Variants in CADM1 observed in about 807,000 individuals in gnomAD.
CADM1 encodes the protein TSLC-1.
In CADM1, 15 loss-of-function variants were observed where a neutral mutation model predicts 53.1. The observed-to-expected ratio is 0.28, with a 90% confidence interval of 0.19 to 0.44. CADM1 has a LOEUF of 0.44. CADM1 is among the 20% of genes least tolerant of loss of function. The probability of loss-of-function intolerance (pLI) is 1.00; values close to 1 mark genes in which losing one functional copy is unlikely to be tolerated. For synonymous variants in CADM1, 281 were observed against 243.0 expected (o/e 1.16, Z -1.45); for missense variants, 434 against 611.3 (o/e 0.71, Z 3.06).
intron 10 of CADM1, chr11:115,190,553 G>T: frequency 9.6e-6 from 2 of 208,522 alleles, no homozygotes; most frequent in Non-Finnish European, 1.9e-5. Context: ...AAATTGCTTT[G>T]TAATACAACA....
At chr11:115,487,835 G>A (rs1327121693) in intron 1 of CADM1, among the ~76,000 whole-genome samples, 2 of 151,918 alleles carry the variant, frequency 1.3e-5, no homozygotes, top group East Asian at 1.9e-4. Flanking sequence ...TCTTCTTCTT[G>A]GATAATACCA....
intron 1 of CADM1, chr11:115,396,751 G>A (rs2135199267): frequency 6.6e-6 from 1 of 152,278 alleles, no homozygotes; most frequent in South Asian, 2.1e-4. Flanking sequence ...TGATGGGCTG[G>A]GAAGGAAGAG....
At chr11:115,388,686 T>C (rs944082497) in intron 1 of CADM1, among the ~76,000 whole-genome samples, 1 of 152,106 alleles carries the variant, frequency 6.6e-6, no homozygotes, top group African/African-American at 2.4e-5. Context: ...TGACAAAACA[T>C]CAAACTCAAA....
intron 10 of CADM1, among the ~76,000 whole-genome samples, chr11:115,190,391 A>T (rs974502600): frequency 1.3e-5 from 2 of 152,216 alleles, no homozygotes; most frequent in Middle Eastern, 3.4e-3. Context: ...GTGACAAAAC[A>T]ATTGCTTCCC....
rs1945874044 is a variant in CADM1, at chr11:115,356,466, C to T, written c.125-116046G>A. Among the ~76,000 whole-genome samples the T allele has an allele frequency of 2.0e-5, 3 of 152,100 alleles. No homozygotes were observed. The South Asian group carries it at 6.2e-4, about 32-fold the overall frequency. On this transcript the variant is annotated intron_variant, in intron 1 of 11. Coordinates refer to ENST00000331581, the MANE Select transcript of CADM1 (RefSeq NM_001301043.2). ...AACATTTTTCACTGGCCCTCCAGCA[C>T]CTGACACAGACCATGGCACATAAAG...
intron 1 of CADM1, among the ~76,000 whole-genome samples, chr11:115,479,163 ATCTT>A (rs1468906350): frequency 1.3e-5 from 2 of 152,110 alleles, no homozygotes; most frequent in Admixed American, 6.5e-5. Context: ...TTTGATTTTT[ATCTT>A]TAAGACTTTT....
At chr11:115,212,178 A>C (rs1398288774) in intron 7 of CADM1, among the ~76,000 whole-genome samples, 3 of 151,656 alleles carry the variant, frequency 2.0e-5, no homozygotes, top group Non-Finnish European at 4.4e-5. Flanking sequence ...AGGCTAAAAG[A>C]ATAAAATCAG....
At chr11:115,498,313 A>AT (rs1469192343) in intron 1 of CADM1, among the ~76,000 whole-genome samples, 1 of 152,220 alleles carries the variant, frequency 6.6e-6, no homozygotes, top group Non-Finnish European at 1.5e-5. Context: ...GGAAAGAGAC[A>AT]TTTTTATTTT....
At chr11:115,490,882 C>T in intron 1 of CADM1, among the ~76,000 whole-genome samples, 1 of 152,136 alleles carries the variant, frequency 6.6e-6, no homozygotes, top group South Asian at 2.1e-4. Flanking sequence ...AATGGGGCAA[C>T]AGTGGTAACT....
Position 115,354,105 on chromosome 11 carries a change from T to C in CADM1, c.125-113685A>G, listed in dbSNP as rs552408867. On this transcript the variant is annotated intron_variant, in intron 1 of 11. Coordinates refer to ENST00000331581, the MANE Select transcript of CADM1 (RefSeq NM_001301043.2). Reference sequence around the variant, plus strand: ...TCTGGAAGCAGAAGAGACTAAACAATAGGGAAAACAGTTAACAAGAATCTA... The same window carrying C: ...TCTGGAAGCAGAAGAGACTAAACAACAGGGAAAACAGTTAACAAGAATCTA... 9.2e-5 allele frequency among the ~76,000 whole-genome samples: 14 copies of C among 152,136 alleles called. No homozygotes were observed. In the South Asian group the frequency reaches 2.9e-3, roughly 32 times the overall value.
At chr11:115,269,507 G>C (rs1484137546) in intron 1 of CADM1, among the ~76,000 whole-genome samples, 1 of 152,076 alleles carries the variant, frequency 6.6e-6, no homozygotes, top group East Asian at 1.9e-4. Context: ...TGAAAACTAG[G>C]AGCTGTACTA....
chr11:115,173,398 C>T lies in CADM1; in HGVS notation c.*3076G>A, dbSNP rs1414579916. The T allele has an allele frequency of 2.0e-5, 3 of 152,364 alleles. No individual in the cohort carries two copies. Among genetic ancestry groups the T allele is most frequent in the African/African-American group, 4.8e-5 (2 of 41,476 alleles). 9.4% of individuals were successfully genotyped at this position (152,364 alleles called of 1,614,324 possible). On this transcript the variant is annotated 3_prime_UTR_variant, in exon 12 of 12. Coordinates refer to ENST00000331581, the MANE Select transcript of CADM1 (RefSeq NM_001301043.2). The stretch of plus-strand genomic sequence containing the variant: ...GCCCAGACTCAGCCACGGCACAGCA[C>T]TTGGCTCACCTGTCCACTGAGAGTG...
At chr11:115,283,807 G>T (rs900692031) in intron 1 of CADM1, among the ~76,000 whole-genome samples, 1 of 152,132 alleles carries the variant, frequency 6.6e-6, no homozygotes, top group Non-Finnish European at 1.5e-5. Context: ...GCCACCTGTC[G>T]TAGTGTCTAC....
intron 1 of CADM1, among the ~76,000 whole-genome samples, chr11:115,303,083 G>C (rs1215268104): frequency 6.6e-6 from 1 of 152,032 alleles, no homozygotes; most frequent in African/African-American, 2.4e-5. Flanking sequence ...TCCCCCAAAA[G>C]GGGGGCAACA....
At chr11:115,219,934 C>T (rs560413947) in intron 5 of CADM1, among the ~76,000 whole-genome samples, 1 of 152,140 alleles carries the variant, frequency 6.6e-6, no homozygotes, top group Admixed American at 6.6e-5. Flanking sequence ...TACCCAGAAA[C>T]AGCAGCACTT....
chr11:115,458,541 C>A, intron 1 of CADM1, among the ~76,000 whole-genome samples: 1 of 148,866 alleles, frequency 6.7e-6, no homozygotes, highest in Non-Finnish European at 1.5e-5. Context: ...TTACATTATA[C>A]CCTGCCCCTA....
At chr11:115,437,843 A>G (rs1268988817) in intron 1 of CADM1, among the ~76,000 whole-genome samples, 3 of 152,194 alleles carry the variant, frequency 2.0e-5, no homozygotes, top group Non-Finnish European at 1.5e-5. Context: ...TTATCAAGGC[A>G]GAGGAAAGGG....
At chr11:115,287,255 A>C (rs1172750440) in intron 1 of CADM1, 1 of 152,220 alleles carries the variant, frequency 6.6e-6, no homozygotes, top group Non-Finnish European at 1.5e-5. Context: ...GTTGATGGGG[A>C]TGGAACTCTA....
chr11:115,378,574 A>T (rs1363173162), intron 1 of CADM1, among the ~76,000 whole-genome samples: 3 of 152,240 alleles, frequency 2.0e-5, no homozygotes, highest in African/African-American at 7.2e-5. Flanking sequence ...AATAGGGGTC[A>T]GCAAACTAAG....
Sources: gnomAD v4.1 joint callset for allele counts (sites outside exome capture counted in the v4.1 genomes callset) on GRCh38, gnomAD v4.1.1 for gene constraint, MANE v1.5 for transcripts, NCBI Gene and HGNC (gene_info 2026-07-23, HGNC 2026-07-21) for gene names.